The following ARSG variants were observed in gnomAD, a reference collection of about 807,000 sequenced individuals.
ARSG encodes the protein arylsulfatase G.
A neutral mutation model predicts 50.5 loss-of-function variants in ARSG; 37 were observed. The observed-to-expected ratio is 0.73, with a 90% CI of 0.56 to 0.96. The LOEUF (loss-of-function observed/expected upper bound fraction) is 0.96, where lower values mean the gene tolerates loss of function less well. Among genes scored for constraint, ARSG ranks in the 50% least tolerant of loss-of-function variants. The pLI is 0.00. For missense variants in ARSG, 629 were observed against 675.3 expected (o/e 0.93, Z 0.76); for synonymous variants, 225 against 254.6 (o/e 0.88, Z 1.11).
intron 2 of ARSG, among the ~76,000 whole-genome samples, chr17:68,335,120 C>G (rs1049573051): frequency 2.0e-4 from 30 of 152,132 alleles, no homozygotes; most frequent in Admixed American, 2.0e-3. Context: ...CCTCAGCCCC[C>G]CAAGTAGCTG....
intron 1 of ARSG, among the ~76,000 whole-genome samples, chr17:68,291,783 G>C (rs945524848): frequency 6.6e-6 from 1 of 151,458 alleles, no homozygotes; most frequent in Non-Finnish European, 1.5e-5. Flanking sequence ...GCGAGCGCGC[G>C]GGTCCCCGTC....
At chr17:68,343,849 T>G in intron 3 of ARSG, 58 bp downstream of exon 3, 1 of 1,516,270 alleles carries the variant, frequency 6.6e-7, no homozygotes, top group Non-Finnish European at 8.9e-7. Flanking sequence ...GCCTTGTGTT[T>G]GCAAATTCCC....
intron 2 of ARSG, among the ~76,000 whole-genome samples, chr17:68,336,559 G>C (rs1178207906): frequency 6.6e-6 from 1 of 151,850 alleles, no homozygotes; most frequent in Non-Finnish European, 1.5e-5. Flanking sequence ...TCGCATTATG[G>C]AAAAACATTT....
At chr17:68,317,896 C>T (rs1026732957) in intron 2 of ARSG, among the ~76,000 whole-genome samples, 1 of 152,138 alleles carries the variant, frequency 6.6e-6, no homozygotes, top group Non-Finnish European at 1.5e-5. Context: ...GTCAGGAGTT[C>T]AAGACCAGCC....
chr17:68,377,287 C>T (rs1317196672), intron 8 of ARSG, among the ~76,000 whole-genome samples: 1 of 152,246 alleles, frequency 6.6e-6, no homozygotes. Context: ...CCATCACTGG[C>T]TCATTCTCCA....
intron 2 of ARSG, among the ~76,000 whole-genome samples, chr17:68,331,237 C>CTTTCTTTCTTTCTTTCTTTCTTTCTTTG (rs2077748744): frequency 1.1e-4 from 8 of 72,790 alleles, no homozygotes; most frequent in Admixed American, 4.7e-4. Flanking sequence ...TTCTTTGTTT[C>CTTTCTTTCTTTCTTTCTTTCTTTCTTTG]TTTCTTTCTT....
intron 8 of ARSG, among the ~76,000 whole-genome samples, chr17:68,379,612 G>A (rs547097680): frequency 7.3e-4 from 111 of 151,826 alleles, no homozygotes; most frequent in Admixed American, 1.2e-3. Flanking sequence ...ATTAGAATGT[G>A]CACTCCTCAG....
chr17:68,312,706 ATTC>A (rs1225997309), intron 2 of ARSG, among the ~76,000 whole-genome samples: 1 of 151,866 alleles, frequency 6.6e-6, no homozygotes, highest in Non-Finnish European at 1.5e-5. Flanking sequence ...ACGGCTTTTC[ATTC>A]TTCTTTGTTG....
chr17:68,432,171 G>T, the ARSG span, among the ~76,000 whole-genome samples: 264 of 152,272 alleles, frequency 1.7e-3, 1 homozygote, highest in African/African-American at 6.1e-3. Flanking sequence ...AAAGATGAAG[G>T]AGCGAGAAGG....
intron 11 of ARSG, among the ~76,000 whole-genome samples, chr17:68,416,977 G>C (rs2082410218): frequency 6.6e-6 from 1 of 152,164 alleles, no homozygotes; most frequent in Non-Finnish European, 1.5e-5. Flanking sequence ...AGGTTAATCA[G>C]GGATTTTTTT....
At chr17:68,326,924 G>T (rs1355967998) in intron 2 of ARSG, among the ~76,000 whole-genome samples, 5 of 152,136 alleles carry the variant, frequency 3.3e-5, no homozygotes, top group African/African-American at 9.7e-5. Flanking sequence ...AGAAAGAGTG[G>T]ATGCTCTACA....
intron 2 of ARSG, among the ~76,000 whole-genome samples, chr17:68,341,821 C>CT (rs1174217475): frequency 1.3e-5 from 2 of 151,980 alleles, no homozygotes; most frequent in East Asian, 1.9e-4. Flanking sequence ...TCAGTCAATT[C>CT]TTTTTTTTAA....
chr17:68,358,688 C>T (rs1261548181), intron 6 of ARSG, among the ~76,000 whole-genome samples: 2 of 143,824 alleles, frequency 1.4e-5, no homozygotes, highest in Non-Finnish European at 1.5e-5. Flanking sequence ...GACTCTGTCT[C>T]AAAAAAAAAA....
At chr17:68,349,858 G>C (rs2078678628) in intron 4 of ARSG, among the ~76,000 whole-genome samples, 1 of 152,142 alleles carries the variant, frequency 6.6e-6, no homozygotes, top group South Asian at 2.1e-4. Flanking sequence ...CTCCAGCCTG[G>C]GAGACAGACT....
At chr17:68,444,426 T>G in the ARSG span, 2 of 1,461,030 alleles carry the variant, frequency 1.4e-6, no homozygotes, top group South Asian at 2.4e-5. Context: ...TGGAGGAAAA[T>G]AAAGCTTGGG....
chr17:68,314,395 A>G (rs1001645657), intron 2 of ARSG, among the ~76,000 whole-genome samples: 2 of 152,002 alleles, frequency 1.3e-5, no homozygotes, highest in Non-Finnish European at 2.9e-5. Context: ...GCGTGGCGGC[A>G]CATGCTTGTA....
chr17:68,287,437 CGT>C (rs1462022809), upstream of ARSG, among the ~76,000 whole-genome samples: 1 of 151,932 alleles, frequency 6.6e-6, no homozygotes, highest in African/African-American at 2.4e-5. Flanking sequence ...TAGTATTAAA[CGT>C]GTGAGCCACC....
chr17:68,288,471 C>T (rs943516527), upstream of ARSG, among the ~76,000 whole-genome samples: 24 of 152,102 alleles, frequency 1.6e-4, no homozygotes, highest in Admixed American at 2.0e-4. Context: ...ATTTATCTGA[C>T]GGGTAGGGAT....
At chr17:68,440,029 T>C in the ARSG span, among the ~76,000 whole-genome samples, 6 of 152,194 alleles carry the variant, frequency 3.9e-5, no homozygotes, top group Non-Finnish European at 7.3e-5. Context: ...TAAGCTAATA[T>C]TGAACTTTCT....
Sources: allele counts gnomAD v4.1 joint callset (sites outside exome capture counted in the v4.1 genomes callset), GRCh38; gene constraint gnomAD v4.1.1; transcripts MANE v1.5; gene names NCBI Gene and HGNC (gene_info 2026-07-23, HGNC 2026-07-21).